The following FAM20B variants were observed in gnomAD, a reference collection of about 807,000 sequenced individuals.
FAM20B encodes the protein FAM20B glycosaminoglycan xylosylkinase.
A neutral mutation model predicts 43.8 loss-of-function variants in FAM20B; 23 were observed. The ratio of observed to expected loss-of-function variants is 0.53; its 90% CI spans 0.38 to 0.74. The LOEUF is 0.74. Among genes scored for constraint, FAM20B ranks in the 30% least tolerant of loss-of-function variants. FAM20B has a pLI of 0.00. For synonymous variants in FAM20B, 178 were observed against 192.4 expected, an observed-to-expected ratio of 0.93 and a Z score of 0.62; for missense variants, 440 against 510.5, an observed-to-expected ratio of 0.86 and a Z score of 1.33.
At chr1:179,059,097 A>T (rs1478497061) in intron 4 of FAM20B, among the ~76,000 whole-genome samples, 9 of 152,224 alleles carry the variant, frequency 5.9e-5, no homozygotes, top group Non-Finnish European at 8.8e-5. Flanking sequence ...AGTTTAGGAG[A>T]AAAGGCTTGG....
At chr1:179,044,857 A>G (rs1650699208) in intron 2 of FAM20B, among the ~76,000 whole-genome samples, 2 of 152,220 alleles carry the variant, frequency 1.3e-5, no homozygotes, top group Admixed American at 1.3e-4. Flanking sequence ...AGTACGTTTC[A>G]TTTTGTAAAA....
At position 179,059,107 on chromosome 1, in the gene FAM20B, G is replaced by A. The variant is rs138562426; in HGVS notation, c.574+4469G>A. ...CCTACAGTTTAGGAGAAAAGGCTTGGCTGAAGCCATAGACATTCTTGTCAC... is the reference window on the plus strand; with the variant it reads ...CCTACAGTTTAGGAGAAAAGGCTTGACTGAAGCCATAGACATTCTTGTCAC... On this transcript the variant is annotated intron_variant, in intron 4 of 7. Transcript: ENST00000263733. 1.6e-3 allele frequency among the ~76,000 whole-genome samples: 242 copies of A among 152,294 alleles called. 1 individual carries two copies. The highest frequency in any genetic ancestry group is 3.0e-3 in the Non-Finnish European group (206 of 68,026).
Position 179,072,374 on chromosome 1 carries a change from T to C in FAM20B, c.*230T>C. 1.9e-6 allele frequency: 1 copy of C among 536,730 alleles called. No individual in the cohort carries two copies. Among genetic ancestry groups the C allele is most frequent in the Non-Finnish European group, 3.4e-6 (1 of 297,992 alleles). The allele number at this position is 536,730 out of a possible 1,614,324, so 33.2% of individuals were successfully genotyped here. A position where few individuals can be genotyped will look rare whatever the true frequency, so the allele number is the denominator to read the frequency against. ...ATCGCCTTCTCACCTCCTCGGCAAT[T>C]GCTCATTCTAGGGTTGGGCATCATA... On this transcript the variant is annotated 3_prime_UTR_variant, in exon 8 of 8. Transcript: ENST00000263733.
chr1:179,023,006 G>A (rs1226130209), upstream of FAM20B, among the ~76,000 whole-genome samples: 1 of 152,242 alleles, frequency 6.6e-6, no homozygotes, highest in East Asian at 1.9e-4. Flanking sequence ...TGAGGGCAGG[G>A]AAAGGACAGC....
chr1:179,045,818 C>T (rs894717707), intron 2 of FAM20B, among the ~76,000 whole-genome samples: 3 of 151,414 alleles, frequency 2.0e-5, no homozygotes, highest in Non-Finnish European at 2.9e-5. Flanking sequence ...TGCTTGAGTG[C>T]GAGAGTTTGA....
intron 4 of FAM20B, among the ~76,000 whole-genome samples, chr1:179,059,156 G>A (rs1293241697): frequency 6.6e-6 from 1 of 152,236 alleles, no homozygotes; most frequent in Non-Finnish European, 1.5e-5. Flanking sequence ...CCCAAGGAGA[G>A]CATGGAGACT....
At chr1:179,046,020 ATAC>A (rs1217414704) in intron 2 of FAM20B, among the ~76,000 whole-genome samples, 1 of 152,206 alleles carries the variant, frequency 6.6e-6, no homozygotes, top group Non-Finnish European at 1.5e-5. Context: ...TTAAACCCTT[ATAC>A]GAAGGTTTAA....
intron 1 of FAM20B, among the ~76,000 whole-genome samples, chr1:179,029,865 T>G (rs1211304785): frequency 6.6e-6 from 1 of 152,134 alleles, no homozygotes; most frequent in Non-Finnish European, 1.5e-5. Context: ...GTGGAAAAAT[T>G]TTTACAATAT....
intron 1 of FAM20B, among the ~76,000 whole-genome samples, chr1:179,032,231 G>C (rs958200059): frequency 1.5e-4 from 23 of 151,046 alleles, no homozygotes; most frequent in African/African-American, 5.6e-4. Flanking sequence ...CTGGGTTTTT[G>C]ATATGGTGAT....
At chr1:179,018,899 C>T in the FAM20B span, among the ~76,000 whole-genome samples, 4 of 152,158 alleles carry the variant, frequency 2.6e-5, no homozygotes, top group African/African-American at 7.2e-5. Flanking sequence ...GAAAGCTGGT[C>T]GTATAACCTG....
At position 179,073,811 on chromosome 1, in the gene FAM20B, T is replaced by C. The variant is rs1252266154; in HGVS notation, c.*1667T>C. 1 of 152,254 alleles carries C rather than the reference T, an allele frequency of 6.6e-6. No individual in the cohort carries two copies. Among genetic ancestry groups the C allele is most frequent in the East Asian group, 1.9e-4 (1 of 5,206 alleles). The allele number at this position is 152,254 out of a possible 1,614,324, so 9.4% of individuals were successfully genotyped here. Reference sequence around the variant, plus strand: ...AGGTTTGTAAAACACAGTTTTTGTTTTGTGTTCTGGCAAAGTGATCTCAAC... The same window carrying C: ...AGGTTTGTAAAACACAGTTTTTGTTCTGTGTTCTGGCAAAGTGATCTCAAC... On this transcript the variant is annotated 3_prime_UTR_variant, in exon 8 of 8. Transcript: ENST00000263733.
At chr1:179,018,415 T>G in the FAM20B span, among the ~76,000 whole-genome samples, 4 of 152,180 alleles carry the variant, frequency 2.6e-5, no homozygotes, top group Non-Finnish European at 5.9e-5. Context: ...CAAGCGATTT[T>G]CATGCCTCAG....
intron 1 of FAM20B, among the ~76,000 whole-genome samples, chr1:179,030,000 G>A (rs1649941384): frequency 6.6e-6 from 1 of 152,192 alleles, no homozygotes; most frequent in Non-Finnish European, 1.5e-5. Flanking sequence ...CGATTCAGTA[G>A]TCAGTCTTTG....
intron 1 of FAM20B, among the ~76,000 whole-genome samples, chr1:179,030,133 A>C (rs1360629487): frequency 1.3e-5 from 2 of 152,148 alleles, no homozygotes; most frequent in African/African-American, 4.8e-5. Flanking sequence ...AAAACAGCTA[A>C]ATTGGCTTAG....
At chr1:179,062,061 C>T (rs1479429546) in intron 4 of FAM20B, among the ~76,000 whole-genome samples, 1 of 151,848 alleles carries the variant, frequency 6.6e-6, no homozygotes, top group East Asian at 1.9e-4. Context: ...GGCTGGAGTG[C>T]AGTGGCGCAA....
chr1:179,043,579 T>A (rs1436981090), intron 1 of FAM20B, 136 bp from the exon 2 acceptor site: 1 of 341,620 alleles, frequency 2.9e-6, no homozygotes, highest in African/African-American at 2.1e-5. Context: ...ATTAGTTAAT[T>A]TTAAATTATT....
intron 1 of FAM20B, among the ~76,000 whole-genome samples, chr1:179,026,514 TC>T (rs1245292914): frequency 6.6e-6 from 1 of 152,010 alleles, no homozygotes; most frequent in African/African-American, 2.4e-5. Context: ...TCTCTTGTGT[TC>T]CCCGGAGCGC....
intron 6 of FAM20B, among the ~76,000 whole-genome samples, chr1:179,065,724 C>T (rs1345747034): frequency 6.6e-6 from 1 of 152,218 alleles, no homozygotes; most frequent in Non-Finnish European, 1.5e-5. Flanking sequence ...CTGTGATACA[C>T]ATGATACTTG....
At chr1:179,055,834 G>C (rs193188539) in intron 4 of FAM20B, among the ~76,000 whole-genome samples, 190 of 152,286 alleles carry the variant, frequency 1.2e-3, no homozygotes, top group Non-Finnish European at 2.2e-3. Context: ...AAAGGGCATT[G>C]GCAAAATAAT....
Sources: gnomAD v4.1 joint callset for allele counts (sites outside exome capture counted in the v4.1 genomes callset) on GRCh38, gnomAD v4.1.1 for gene constraint, MANE v1.5 for transcripts, NCBI Gene and HGNC (gene_info 2026-07-23, HGNC 2026-07-21) for gene names.